MACF1: variants seen among roughly 807,000 people sequenced by gnomAD.
MACF1 encodes microtubule-actin cross-linking factor 1.
Under a neutral mutation model 854.8 loss-of-function variants are expected in MACF1, and 193 were observed. The ratio of observed to expected loss-of-function variants is 0.23; its 90% CI spans 0.20 to 0.25. MACF1 has a LOEUF of 0.25. MACF1 is among the 10% of genes least tolerant of loss of function. MACF1 has a pLI of 1.00. For synonymous variants in MACF1, 3,185 were observed against 3,226.7 expected, an observed-to-expected ratio of 0.99 and a Z score of 0.44; for missense variants, 7,722 against 8,929.1, an observed-to-expected ratio of 0.86 and a Z score of 5.45.
chr1:39,354,813 G>A (rs1647390813), intron 44 of MACF1, among the ~76,000 whole-genome samples: 1 of 152,094 alleles, frequency 6.6e-6, no homozygotes, highest in African/African-American at 2.4e-5. Flanking sequence ...TGCCTGTTCT[G>A]TAACAAAACA....
intron 2 of MACF1, among the ~76,000 whole-genome samples, chr1:39,121,224 A>G (rs61386843): frequency 0.023 from 3,447 of 152,312 alleles, 53 homozygotes; most frequent in East Asian, 0.079. Context: ...AAGGCACAAT[A>G]ACTTGCTCAA....
chr1:39,269,163 T>A, intron 6 of MACF1: 1 of 1,289,916 alleles, frequency 7.8e-7, no homozygotes, highest in East Asian at 5.6e-5. Context: ...AGAAAGGAAC[T>A]GCGAGAAGTC....
chr1:39,424,209 ATTTTGAGGAGTGGGTCAGAGGTTTG>A lies in MACF1; in HGVS notation c.16316+21_16316+45del, dbSNP rs1557647217. Reference sequence around the variant, plus strand: ...GCAGCAGCCAGGTAAGATCAAAGGAATTTTGAGGAGTGGGTCAGAGGTTTGTTTTGTTCTTCTTCGACTTATTATC... The same window carrying A: ...GCAGCAGCCAGGTAAGATCAAAGGAATTTTGTTCTTCTTCGACTTATTATC... On this transcript the variant is annotated intron_variant, in intron 61 of 100. Coordinates refer to ENST00000564288, the MANE Select transcript of MACF1 (RefSeq NM_001394062.1). 1 of 1,608,784 alleles carries A rather than the reference ATTTTGAGGAGTGGGTCAGAGGTTTG, an allele frequency of 6.2e-7. No homozygotes were observed. The highest frequency in any genetic ancestry group is 1.3e-5 in the African/African-American group (1 of 74,842).
rs780036070 is a variant in MACF1 at position 39,412,431 on chromosome 1, A to G, written c.15817-9943A>G. 17 of 1,614,040 alleles carry G rather than the reference A, an allele frequency of 1.1e-5. No homozygotes were observed. The South Asian group carries it at 1.9e-4, about 18-fold the overall frequency. On this transcript the variant is annotated intron_variant, in intron 58 of 100. Coordinates refer to ENST00000564288, the MANE Select transcript of MACF1 (RefSeq NM_001394062.1). ...TTTGTGATGAGGATGGTGAGGCAAA[A>G]GAGCTGGATTATCAAGCCACACTTT...
intron 2 of MACF1, among the ~76,000 whole-genome samples, chr1:39,249,306 G>A (rs1645014611): frequency 6.6e-6 from 1 of 152,128 alleles, no homozygotes; most frequent in Non-Finnish European, 1.5e-5. Context: ...TTTTCCACTT[G>A]GTGACCTTGG....
Position 39,350,989 on chromosome 1 carries a change from A to T in MACF1, c.11170A>T (p.Thr3724Ser). The T allele has an allele frequency of 6.2e-7, 1 of 1,614,044 alleles. No homozygotes were observed. The highest frequency in any genetic ancestry group is 8.5e-7 in the Non-Finnish European group (1 of 1,179,948). ...VAQKELEEAV[T>S]SALQQETEKS... The stretch of plus-strand genomic sequence containing the variant: ...CCAGAAGGAACTGGAGGAAGCAGTG[A>T]CCTCCGCCTTACAGCAGGAGACTGA... Residue 3724 changes from threonine to serine, a missense_variant, in exon 43 of 101, where the codon ACC becomes TCC. Physicochemically the swap from Thr to Ser is moderately conservative, Grantham distance 58. Around this residue, in one of 15 missense-constraint regions of MACF1, gnomAD observed 2,807 missense variants for 3,235.8 expected, o/e 0.87. Coordinates refer to ENST00000564288, the MANE Select transcript of MACF1 (RefSeq NM_001394062.1).
chr1:39,211,754 G>A (rs949322853), intron 1 of MACF1, among the ~76,000 whole-genome samples: 6 of 151,972 alleles, frequency 3.9e-5, no homozygotes, highest in Non-Finnish European at 5.9e-5. Context: ...TGTGGTGGGC[G>A]CCTGTAATCC....
chr1:39,270,652 G>A (rs1391720661), intron 6 of MACF1, among the ~76,000 whole-genome samples: 3 of 152,142 alleles, frequency 2.0e-5, no homozygotes, highest in Admixed American at 2.0e-4. Flanking sequence ...ACTTTTACTG[G>A]GATGTTGGCC....
At chr1:39,281,269 T>C (rs1236192854) in intron 6 of MACF1, among the ~76,000 whole-genome samples, 1 of 152,162 alleles carries the variant, frequency 6.6e-6, no homozygotes, top group East Asian at 1.9e-4. Flanking sequence ...TAACTATGAT[T>C]ATTAGTTTGC....
chr1:39,158,681 G>A (rs1465758776), intron 2 of MACF1, among the ~76,000 whole-genome samples: 1 of 152,234 alleles, frequency 6.6e-6, no homozygotes, highest in Non-Finnish European at 1.5e-5. Flanking sequence ...TGAGGTGGCA[G>A]ATGACAGGCA....
chr1:39,429,392 G>A, intron 64 of MACF1, 66 bp downstream of exon 64: 1 of 888,626 alleles, frequency 1.1e-6, no homozygotes, highest in South Asian at 1.4e-5. Flanking sequence ...CCCAAGGAAA[G>A]GAGTTCCCTG....
intron 11 of MACF1, 71 bp from the exon 12 acceptor site, chr1:39,285,012 G>C: frequency 1.8e-5 from 28 of 1,580,344 alleles, no homozygotes; most frequent in Non-Finnish European, 2.4e-5. Flanking sequence ...GAAGTGATGT[G>C]CAAATAATAA....
chr1:39,383,674 G>A (rs1047663595), intron 56 of MACF1, among the ~76,000 whole-genome samples: 2 of 152,114 alleles, frequency 1.3e-5, no homozygotes, highest in African/African-American at 4.8e-5. Context: ...TCAGGAGATC[G>A]AGACCATCCT....
At chr1:39,102,199 GAGAGAGAGAGAGAA>G (rs1184598455) in intron 2 of MACF1, among the ~76,000 whole-genome samples, 159 of 151,258 alleles carry the variant, frequency 1.1e-3, no homozygotes, top group African/African-American at 2.9e-3. Context: ...AAGAAAGAGA[GAGAGAGAGAGAGAA>G]AGAGAGAGAG....
chr1:39,483,288 G>A (rs1441502093), intron 99 of MACF1, among the ~76,000 whole-genome samples: 1 of 152,112 alleles, frequency 6.6e-6, no homozygotes, highest in Non-Finnish European at 1.5e-5. Context: ...AGTTTTTATT[G>A]AGTTCCTCTT....
Position 39,332,951 on chromosome 1 carries a change from T to C in MACF1, c.6363T>C (p.Ser2121=), listed in dbSNP as rs1317945931. ...AAAGGGAAGACCAAACAGCAGTGTC[T>C]GTCAGAGAAAATGCCAGCAGGGGAC... ...GTQREDQTAV[S]VRENASRGHL... is the part of the protein sequence containing the mutation. Residue 2121 remains serine, a synonymous_variant, in exon 37 of 101, where the codon TCT becomes TCC. Coordinates refer to ENST00000564288, the MANE Select transcript of MACF1 (RefSeq NM_001394062.1). 1 of 1,614,152 alleles carries C rather than the reference T, an allele frequency of 6.2e-7. No individual in the cohort carries two copies. The highest frequency in any genetic ancestry group is 1.7e-5 in the Admixed American group (1 of 60,010).
At chr1:39,397,042 T>C (rs1161995529) in intron 58 of MACF1, among the ~76,000 whole-genome samples, 1 of 152,212 alleles carries the variant, frequency 6.6e-6, no homozygotes, top group African/African-American at 2.4e-5. Context: ...GGATCTTTGC[T>C]ACACATGGTG....
At chr1:39,473,654 C>T (rs1212755238) in intron 97 of MACF1, among the ~76,000 whole-genome samples, 1 of 152,132 alleles carries the variant, frequency 6.6e-6, no homozygotes, top group Non-Finnish European at 1.5e-5. Flanking sequence ...AATGGAAGCA[C>T]TTAGTGAGTT....
Position 39,441,267 on chromosome 1 carries a change from G to A in MACF1, c.18614G>A (p.Arg6205Lys), listed in dbSNP as rs1229096137. The A allele has an allele frequency of 1.9e-6, 3 of 1,614,134 alleles. No individual in the cohort carries two copies. The highest frequency in any genetic ancestry group is 1.6e-4 in the Middle Eastern group (1 of 6,062). ...WENLNKTWKE[R>K]LEKLEDAMQA... ...AACTTAAACAAAACATGGAAAGAGAGGCTAGAAAAACTTGAGGATGCTATG... is the reference window on the plus strand; with the variant it reads ...AACTTAAACAAAACATGGAAAGAGAAGCTAGAAAAACTTGAGGATGCTATG... Residue 6205 changes from arginine to lysine, a missense_variant, in exon 74 of 101, where the codon AGG becomes AAG. Arg to Lys is a conservative substitution (Grantham distance 26). Around this residue, in one of 15 missense-constraint regions of MACF1, gnomAD observed 2,807 missense variants for 3,235.8 expected, o/e 0.87. Transcript: ENST00000564288.
Sources: gnomAD v4.1 joint callset for allele counts (sites outside exome capture counted in the v4.1 genomes callset) on GRCh38, gnomAD v4.1.1 for gene constraint, gnomAD v4.1.1 regional missense constraint, MANE v1.5 for transcripts, NCBI Gene and HGNC (gene_info 2026-07-23, HGNC 2026-07-21) for gene names.